The following NEB variants were observed in gnomAD, a reference collection of about 807,000 sequenced individuals.
The protein encoded by NEB is nemaline myopathy type 2.
In NEB, 512 loss-of-function variants were observed where a neutral mutation model predicts 952.2. The observed-to-expected ratio is 0.54, with a 90% CI of 0.50 to 0.58. The LOEUF is 0.58. Among genes scored for constraint, NEB ranks in the 20% least tolerant of loss-of-function variants. The pLI is 0.00. For missense variants in NEB, 8,428 were observed against 9,231.1 expected (o/e 0.91, Z 3.56); for synonymous variants, 2,900 against 3,149.8 (o/e 0.92, Z 2.66).
At position 151,527,577 on chromosome 2, in the gene NEB, ATAGTCCAGCTGTTTTTAACAG is replaced by A. The variant is rs767772838; in HGVS notation, c.21736-13_21743del. Reference sequence around the variant, plus strand: ...CTTTGTTGGCTTCGTACTGTTTCTTATAGTCCAGCTGTTTTTAACAGGAGAGAAAGGAATCACTTGATTCAG... The same window carrying A: ...CTTTGTTGGCTTCGTACTGTTTCTTAGAGAGAAAGGAATCACTTGATTCAG... On this transcript the variant is annotated splice_acceptor_variant and splice_polypyrimidine_tract_variant and coding_sequence_variant and intron_variant, in exon 147 of 182. Coordinates refer to ENST00000397345, the MANE Select transcript of NEB (RefSeq NM_001164508.2). LOFTEE classifies it high-confidence loss of function. The A allele has an allele frequency of 6.2e-7, 1 of 1,611,268 alleles. No individual in the cohort carries two copies. Among genetic ancestry groups the A allele is most frequent in the Non-Finnish European group, 8.5e-7 (1 of 1,178,614 alleles).
intron 162 of NEB, among the ~76,000 whole-genome samples, chr2:151,507,415 G>GT (rs35218518): frequency 1.3e-5 from 2 of 152,292 alleles, no homozygotes; most frequent in South Asian, 4.1e-4. Flanking sequence ...GGCCTTCTCT[G>GT]TTTTTTCCTG....
At chr2:151,506,334 A>G in intron 163 of NEB, 76 bp from the exon 164 acceptor site, 1 of 1,103,032 alleles carries the variant, frequency 9.1e-7, no homozygotes, top group South Asian at 1.5e-5. Context: ...AGACTAGGAC[A>G]CATGGCTTTT....
chr2:151,644,078 G>A lies in NEB; in HGVS notation c.7696C>T (p.Arg2566Trp), dbSNP rs368232288. The change falls in exon 57 of 182, where the codon CGG (arginine) becomes TGG (tryptophan). Residue 2566 changes from arginine to tryptophan, a missense_variant. Around this residue, in one of 11 missense-constraint regions of NEB, gnomAD observed 1,772 missense variants for 1,960.3 expected, o/e 0.90. Transcript: ENST00000397345. The stretch of plus-strand genomic sequence containing the variant: ...ATCTTGGGGTCATCTTCAATGTTCC[G>A]GGCACCAATGTGGTGGCCGAGCTGC... Reference protein sequence around the residue: ...RKQLGHHIGARNIEDDPKMMW... With the variant: ...RKQLGHHIGAWNIEDDPKMMW... 306 of 1,613,782 alleles carry A rather than the reference G, an allele frequency of 1.9e-4. No individual in the cohort carries two copies. The highest frequency in any genetic ancestry group is 2.4e-4 in the Non-Finnish European group (286 of 1,179,884).
At chr2:151,539,590 C>G (rs553939421) in intron 138 of NEB, among the ~76,000 whole-genome samples, 3 of 152,278 alleles carry the variant, frequency 2.0e-5, no homozygotes, top group Non-Finnish European at 2.9e-5. Context: ...GGGTGTGGCT[C>G]TGGTAATGGG....
rs2096323303 is a variant in NEB, at chr2:151,565,540, C to T, written c.18327G>A (p.Glu6109=). ...PNFRSVVDPP[E]IVLAKINSVN... is the part of the protein sequence containing the mutation. ...CAGAATTAATCTTGGCTAAAACAAT[C>T]TCTGGAGGATCCACCACACTTCTAA... is the stretch of plus-strand genomic sequence containing the variant. The change falls in exon 116 of 182, where the codon GAG becomes GAA. Residue 6109 remains glutamate (E), a synonymous_variant. Transcript: ENST00000397345. 6.2e-7 allele frequency: 1 copy of T among 1,602,454 alleles called. No individual in the cohort carries two copies. Among genetic ancestry groups the T allele is most frequent in the Non-Finnish European group, 8.5e-7 (1 of 1,170,470 alleles).
intron 153 of NEB, among the ~76,000 whole-genome samples, chr2:151,522,118 A>G (rs571273099): frequency 4.6e-5 from 7 of 152,346 alleles, no homozygotes; most frequent in African/African-American, 1.7e-4. Flanking sequence ...AATTGGGCCT[A>G]TTATGGATGT....
intron 55 of NEB, among the ~76,000 whole-genome samples, chr2:151,645,423 A>G (rs2098943754): frequency 6.6e-6 from 1 of 152,238 alleles, no homozygotes; most frequent in African/African-American, 2.4e-5. Context: ...TTATGTTTTG[A>G]AGAAGGTTTA....
Position 151,664,528 on chromosome 2 carries a change from T to G in NEB, c.5424A>C (p.Ala1808=), listed in dbSNP as rs1384244655. The change falls in exon 44 of 182, where the codon GCA becomes GCC. Residue 1808 remains alanine, a synonymous_variant. Coordinates refer to ENST00000397345, the MANE Select transcript of NEB (RefSeq NM_001164508.2). ...LRPDAIAIKA[A]RASRDIASDY... ...CACTGGCAATGTCTCTAGAGGCTCT[T>G]GCAGCCTTTATTGCAATGGCATCAG... 2 of 1,602,640 alleles carry G rather than the reference T, an allele frequency of 1.2e-6. No individual in the cohort carries two copies. The highest frequency in any genetic ancestry group is 1.7e-4 in the Middle Eastern group (1 of 6,000).
At chr2:151,650,117 A>G (rs2099014635) in intron 54 of NEB, 59 bp downstream of exon 54, 1 of 1,507,784 alleles carries the variant, frequency 6.6e-7, no homozygotes, top group Non-Finnish European at 9.2e-7. Flanking sequence ...AGCAAGTGCT[A>G]TTGAGCAAAC....
intron 13 of NEB, among the ~76,000 whole-genome samples, chr2:151,702,113 T>A (rs1256257551): frequency 1.4e-5 from 2 of 146,918 alleles, no homozygotes; most frequent in African/African-American, 5.0e-5. Flanking sequence ...CTGCCTTCAT[T>A]TCGTTATGTA....
chr2:151,549,018 T>C (rs1271005378), intron 130 of NEB, among the ~76,000 whole-genome samples: 1 of 152,106 alleles, frequency 6.6e-6, no homozygotes, highest in Non-Finnish European at 1.5e-5. Context: ...GCCTTCCCCA[T>C]GGGGTAAATG....
intron 68 of NEB, among the ~76,000 whole-genome samples, chr2:151,628,231 A>G (rs2098563688): frequency 6.6e-6 from 1 of 152,174 alleles, no homozygotes; most frequent in Admixed American, 6.5e-5. Flanking sequence ...AATTTTACAT[A>G]TGATTTTGAG....
chr2:151,623,733 A>C (rs114287777), intron 71 of NEB, among the ~76,000 whole-genome samples: 1,794 of 152,256 alleles, frequency 0.012, 37 homozygotes, highest in African/African-American at 0.037. Context: ...GTTTTTCTTC[A>C]AAATTTCTAG....
In NEB at chr2:151,568,707, G is replaced by A. The variant is rs771214344; in HGVS notation, c.17545C>T (p.Arg5849Cys). Residue 5849 changes from arginine (R) to cysteine (C), a missense_variant, in exon 111 of 182, where the codon CGC (arginine) becomes TGC (cysteine). By Grantham distance (180) the Arg-to-Cys change is radical. Coordinates refer to ENST00000397345, the MANE Select transcript of NEB (RefSeq NM_001164508.2). ...AAGTTGAGAGTTTCTATTTTTGTGC[G>A]ATATTTTTTCTATGGGAAAGAAAGC... is the stretch of plus-strand genomic sequence containing the variant. ...AADIFSEKKY[R>C]TKIETLNFTP... 40 of 1,593,060 alleles carry A rather than the reference G, an allele frequency of 2.5e-5. No homozygotes were observed. The highest frequency in any genetic ancestry group is 6.7e-5 in the African/African-American group (5 of 74,650).
intron 34 of NEB, 97 bp downstream of exon 34, chr2:151,677,468 A>C (rs890063806): frequency 1.6e-5 from 14 of 865,390 alleles, no homozygotes; most frequent in South Asian, 3.8e-5. Flanking sequence ...TTAAAATGGA[A>C]AGATATTGGC....
At chr2:151,629,838 T>C (rs2098625280) in intron 67 of NEB, among the ~76,000 whole-genome samples, 192 bp from the exon 68 acceptor site, 1 of 152,186 alleles carries the variant, frequency 6.6e-6, no homozygotes, top group Admixed American at 6.5e-5. Flanking sequence ...AAATGGGATA[T>C]ATCAATGAAC....
chr2:151,647,494 TA>T (rs1251843346), intron 54 of NEB, among the ~76,000 whole-genome samples: 1 of 152,130 alleles, frequency 6.6e-6, no homozygotes, highest in East Asian at 1.9e-4. Flanking sequence ...TTACAAAGGA[TA>T]AAATGGTTAC....
chr2:151,683,147 G>A (rs544392853), intron 28 of NEB, among the ~76,000 whole-genome samples: 1 of 152,234 alleles, frequency 6.6e-6, no homozygotes, highest in African/African-American at 2.4e-5. Context: ...TAAAATAGAA[G>A]GCCACATTGA....
intron 63 of NEB, among the ~76,000 whole-genome samples, chr2:151,637,751 G>GT (rs2098789947): frequency 6.6e-6 from 1 of 152,220 alleles, no homozygotes; most frequent in African/African-American, 2.4e-5. Flanking sequence ...ATGGTTTCCT[G>GT]TAACAGGACC....
Sources: allele counts gnomAD v4.1 joint callset (sites outside exome capture counted in the v4.1 genomes callset), GRCh38; gene constraint gnomAD v4.1.1; regional missense constraint gnomAD v4.1.1; transcripts MANE v1.5; gene names NCBI Gene and HGNC (gene_info 2026-07-23, HGNC 2026-07-21).